The following ELAVL2 variants were observed in gnomAD, a reference collection of about 807,000 sequenced individuals.
ELAVL2 encodes the protein ELAV-like protein 2.
In ELAVL2, 4 loss-of-function variants were observed where a neutral mutation model predicts 34.6. That is an observed-to-expected ratio of 0.12 (90% CI 0.06 to 0.26). ELAVL2 has a LOEUF of 0.26. Among genes scored for constraint, ELAVL2 ranks in the 10% least tolerant of loss-of-function variants. ELAVL2 has a pLI of 1.00. For synonymous variants in ELAVL2, 193 were observed against 154.8 expected (o/e 1.25, Z -1.83); for missense variants, 432 against 442.8 (o/e 0.98, Z 0.22).
chr9:23,767,367 G>C (rs151305593), intron 1 of ELAVL2, among the ~76,000 whole-genome samples: 1 of 152,172 alleles, frequency 6.6e-6, no homozygotes, highest in African/African-American at 2.4e-5. Context: ...TCACATGAGA[G>C]AAAAGCAGTC....
chr9:23,837,227 C>T, the ELAVL2 span, among the ~76,000 whole-genome samples: 2 of 152,162 alleles, frequency 1.3e-5, no homozygotes, highest in South Asian at 2.1e-4. Flanking sequence ...TGTCAGGCTG[C>T]TGCTCTGCGT....
At chr9:23,709,776 C>T (rs2040437037) in intron 3 of ELAVL2, among the ~76,000 whole-genome samples, 1 of 152,100 alleles carries the variant, frequency 6.6e-6, no homozygotes, top group Non-Finnish European at 1.5e-5. Context: ...ATATTTAATG[C>T]ATGAGAAGCA....
At chr9:23,822,886 A>T (rs1036759380) in intron 1 of ELAVL2, among the ~76,000 whole-genome samples, 1 of 152,172 alleles carries the variant, frequency 6.6e-6, no homozygotes, top group Non-Finnish European at 1.5e-5. Context: ...AGGTCCGCTA[A>T]GGGCGTCCAG....
chr9:23,784,021 C>T (rs528258697), intron 1 of ELAVL2, among the ~76,000 whole-genome samples: 2 of 151,876 alleles, frequency 1.3e-5, no homozygotes, highest in Non-Finnish European at 2.9e-5. Context: ...GGTGAAACCC[C>T]GTCTCTACTA....
chr9:23,775,680 G>A (rs1203828034), intron 1 of ELAVL2, among the ~76,000 whole-genome samples: 1 of 152,170 alleles, frequency 6.6e-6, no homozygotes, highest in Non-Finnish European at 1.5e-5. Flanking sequence ...TAGTGAGGCA[G>A]CTGACTTGAC....
intron 1 of ELAVL2, among the ~76,000 whole-genome samples, chr9:23,776,694 G>A (rs1330027524): frequency 8.6e-6 from 1 of 116,520 alleles, no homozygotes; most frequent in Non-Finnish European, 1.7e-5. Flanking sequence ...CCCGCAGCCA[G>A]AAATAATCCC....
chr9:23,840,881 T>C, the ELAVL2 span, among the ~76,000 whole-genome samples: 55 of 152,258 alleles, frequency 3.6e-4, no homozygotes, highest in African/African-American at 1.3e-3. Context: ...GTATGCACTC[T>C]CCTCAATGAC....
At chr9:23,841,747 C>T in the ELAVL2 span, among the ~76,000 whole-genome samples, 2 of 151,982 alleles carry the variant, frequency 1.3e-5, no homozygotes, top group Non-Finnish European at 2.9e-5. Context: ...ATAGTGTTTG[C>T]TTGTTTTACT....
At chr9:23,700,500 A>C (rs2036810980) in intron 5 of ELAVL2, among the ~76,000 whole-genome samples, 1 of 152,202 alleles carries the variant, frequency 6.6e-6, no homozygotes, top group Non-Finnish European at 1.5e-5. Context: ...CTTTGGGCTA[A>C]AGCCACGGTC....
chr9:23,829,375 T>C (rs2065428404), upstream of ELAVL2, among the ~76,000 whole-genome samples: 1 of 152,230 alleles, frequency 6.6e-6, no homozygotes, highest in South Asian at 2.1e-4. Context: ...CTAGAGGTCC[T>C]GGGAGCAAGG....
At chr9:23,716,576 C>G (rs2133898202) in intron 3 of ELAVL2, among the ~76,000 whole-genome samples, 1 of 152,226 alleles carries the variant, frequency 6.6e-6, no homozygotes, top group African/African-American at 2.4e-5. Context: ...TCTTCACTGT[C>G]TCTTATAAGC....
the ELAVL2 span, among the ~76,000 whole-genome samples, chr9:23,836,472 T>C: frequency 6.6e-6 from 1 of 152,210 alleles, no homozygotes; most frequent in Admixed American, 6.5e-5. Flanking sequence ...AGAATACTAA[T>C]ATTTCTAGAT....
At chr9:23,762,880 G>A (rs1297512407) in intron 1 of ELAVL2, among the ~76,000 whole-genome samples, 3 of 152,046 alleles carry the variant, frequency 2.0e-5, no homozygotes, top group Admixed American at 2.0e-4. Context: ...TTAGGGAGTG[G>A]AAAGGAACTA....
intron 2 of ELAVL2, among the ~76,000 whole-genome samples, chr9:23,758,004 A>G (rs756850568): frequency 3.9e-5 from 6 of 152,106 alleles, no homozygotes; most frequent in Non-Finnish European, 5.9e-5. Context: ...AGGGAAAAGG[A>G]AAGATTTCAA....
intron 2 of ELAVL2, among the ~76,000 whole-genome samples, chr9:23,761,374 T>C (rs1444796678): frequency 6.6e-6 from 1 of 152,046 alleles, no homozygotes; most frequent in Non-Finnish European, 1.5e-5. Flanking sequence ...TCTAAAAATT[T>C]AGTCAAATCT....
At chr9:23,806,189 C>A (rs2062195971) in intron 1 of ELAVL2, among the ~76,000 whole-genome samples, 1 of 151,940 alleles carries the variant, frequency 6.6e-6, no homozygotes, top group Non-Finnish European at 1.5e-5. Flanking sequence ...TTATTAACTC[C>A]AATTGGTTAA....
At chr9:23,775,769 T>C (rs2058086146) in intron 1 of ELAVL2, among the ~76,000 whole-genome samples, 1 of 152,136 alleles carries the variant, frequency 6.6e-6, no homozygotes, top group Admixed American at 6.6e-5. Context: ...CAGTAGTTCT[T>C]CCCACTCCCA....
intron 1 of ELAVL2, among the ~76,000 whole-genome samples, chr9:23,770,528 G>C (rs959352588): frequency 6.6e-6 from 1 of 152,184 alleles, no homozygotes; most frequent in African/African-American, 2.4e-5. Context: ...GTAATTACAA[G>C]GTTCCTTATA....
At chr9:23,821,479 C>G (rs1165786731) in intron 1 of ELAVL2, 1 of 152,310 alleles carries the variant, frequency 6.6e-6, no homozygotes, top group Non-Finnish European at 1.5e-5. Flanking sequence ...AGAGTTCGGA[C>G]TAGGGCGCAC....
Sources: gnomAD v4.1 joint callset for allele counts (sites outside exome capture counted in the v4.1 genomes callset) on GRCh38, gnomAD v4.1.1 for gene constraint, MANE v1.5 for transcripts, NCBI Gene and HGNC (gene_info 2026-07-23, HGNC 2026-07-21) for gene names.